Variants in DGKB observed in about 807,000 individuals in gnomAD.
DGKB encodes diacylglycerol kinase beta.
A neutral mutation model predicts 114.3 loss-of-function variants in DGKB; 67 were observed. The observed-to-expected ratio is 0.59, with a 90% CI of 0.48 to 0.72. The LOEUF (loss-of-function observed/expected upper bound fraction) is 0.72, where lower values mean the gene tolerates loss of function less well. Among genes scored for constraint, DGKB ranks in the 30% least tolerant of loss-of-function variants. DGKB has a pLI of 0.00. For synonymous variants in DGKB, 398 were observed against 323.1 expected, an observed-to-expected ratio of 1.23 and a Z score of -2.49; for missense variants, 907 against 975.2, an observed-to-expected ratio of 0.93 and a Z score of 0.93.
chr7:14,825,934 TCTGA>T (rs1845649462), intron 2 of DGKB, among the ~76,000 whole-genome samples: 1 of 152,204 alleles, frequency 6.6e-6, no homozygotes, highest in South Asian at 2.1e-4. Flanking sequence ...CCTTGGGCTT[TCTGA>T]CTAATTCTTG....
At chr7:14,952,536 T>C (rs1786261723) in intron 1 of DGKB, among the ~76,000 whole-genome samples, 1 of 146,074 alleles carries the variant, frequency 6.8e-6, no homozygotes, top group African/African-American at 2.6e-5. Context: ...GTTGAAATAA[T>C]CCTCAAAATT....
At chr7:14,973,453 A>T (rs1787598136) in intron 1 of DGKB, among the ~76,000 whole-genome samples, 3 of 151,604 alleles carry the variant, frequency 2.0e-5, no homozygotes. Flanking sequence ...TTGAAAATTA[A>T]GTTAATCATA....
chr7:14,881,274 GTC>G (rs1415591330), intron 1 of DGKB, among the ~76,000 whole-genome samples: 2 of 152,134 alleles, frequency 1.3e-5, no homozygotes, highest in Non-Finnish European at 2.9e-5. Context: ...GGCCATTAGA[GTC>G]ACCTCTATAA....
chr7:14,390,294 C>T (rs1821118906), intron 21 of DGKB, among the ~76,000 whole-genome samples: 1 of 152,148 alleles, frequency 6.6e-6, no homozygotes, highest in South Asian at 2.1e-4. Flanking sequence ...TTCCACCTCT[C>T]CTTGTCAGCA....
intron 23 of DGKB, among the ~76,000 whole-genome samples, chr7:14,334,672 C>T (rs1359546223): frequency 6.6e-6 from 1 of 151,870 alleles, no homozygotes; most frequent in Non-Finnish European, 1.5e-5. Context: ...AACATTTTAG[C>T]TGAAGGTCTT....
intron 2 of DGKB, among the ~76,000 whole-genome samples, chr7:14,766,535 A>G (rs1836487140): frequency 2.0e-5 from 3 of 151,988 alleles, no homozygotes; most frequent in South Asian, 2.1e-4. Flanking sequence ...GGAGTCTTCA[A>G]TTTTAGTTTT....
intron 23 of DGKB, among the ~76,000 whole-genome samples, chr7:14,315,996 A>T (rs1011461051): frequency 7.3e-5 from 11 of 151,580 alleles, no homozygotes; most frequent in Non-Finnish European, 1.3e-4. Context: ...AAACCGCTCA[A>T]CTACATGGAA....
chr7:14,861,327 A>G (rs193072178), intron 1 of DGKB, among the ~76,000 whole-genome samples: 1 of 151,968 alleles, frequency 6.6e-6, no homozygotes, highest in Admixed American at 6.6e-5. Context: ...GTATTAAAAT[A>G]TGACTTTCAA....
At chr7:14,657,470 T>C (rs560257202) in intron 13 of DGKB, among the ~76,000 whole-genome samples, 1 of 152,036 alleles carries the variant, frequency 6.6e-6, no homozygotes, top group South Asian at 2.1e-4. Context: ...AAACATTTAT[T>C]GAGAGCTGAC....
chr7:14,157,594 G>T (rs10261702), intron 25 of DGKB, among the ~76,000 whole-genome samples: 2 of 152,110 alleles, frequency 1.3e-5, no homozygotes, highest in Non-Finnish European at 2.9e-5. Flanking sequence ...GAAAGTGATG[G>T]ACTATTTGGC....
chr7:14,849,938 G>A (rs1372498389), intron 1 of DGKB, among the ~76,000 whole-genome samples: 1 of 152,116 alleles, frequency 6.6e-6, no homozygotes, highest in Non-Finnish European at 1.5e-5. Flanking sequence ...ACAGAACAAA[G>A]CTCTGAGGAG....
chr7:14,309,107 T>C (rs1804949272), intron 23 of DGKB, among the ~76,000 whole-genome samples: 1 of 152,094 alleles, frequency 6.6e-6, no homozygotes, highest in African/African-American at 2.4e-5. Flanking sequence ...TCCCAGCTAC[T>C]TGAGAGGCTG....
At chr7:14,575,615 A>G (rs879266990) in intron 19 of DGKB, among the ~76,000 whole-genome samples, 1 of 152,204 alleles carries the variant, frequency 6.6e-6, no homozygotes, top group Non-Finnish European at 1.5e-5. Context: ...CAGAGAATAA[A>G]AAGTTCTCAG....
intron 23 of DGKB, among the ~76,000 whole-genome samples, chr7:14,314,648 AC>A (rs1346999099): frequency 2.0e-5 from 3 of 152,264 alleles, no homozygotes; most frequent in African/African-American, 7.2e-5. Flanking sequence ...GACCAAATCT[AC>A]GTCTGACTGG....
At chr7:14,536,126 T>C (rs1054017181) in intron 20 of DGKB, among the ~76,000 whole-genome samples, 1 of 151,916 alleles carries the variant, frequency 6.6e-6, no homozygotes, top group Non-Finnish European at 1.5e-5. Flanking sequence ...ACTTTAAAGA[T>C]CGGTAATGAA....
At chr7:14,383,880 A>C (rs1245103774) in intron 21 of DGKB, among the ~76,000 whole-genome samples, 1 of 152,178 alleles carries the variant, frequency 6.6e-6, no homozygotes, top group African/African-American at 2.4e-5. Flanking sequence ...GTGGTTATTA[A>C]GTGGTGTCAT....
chr7:14,475,841 A>T (rs1332517376), intron 21 of DGKB, among the ~76,000 whole-genome samples: 1 of 152,126 alleles, frequency 6.6e-6, no homozygotes, highest in Admixed American at 6.6e-5. Context: ...GTAATAAAAG[A>T]TTAAATAGAT....
intron 17 of DGKB, among the ~76,000 whole-genome samples, chr7:14,607,164 G>GTGTGTGTGTT (rs1804670017): frequency 6.6e-6 from 1 of 151,510 alleles, no homozygotes; most frequent in Non-Finnish European, 1.5e-5. Flanking sequence ...TGTCGTGTGT[G>GTGTGTGTGTT]TGTGTGTGTG....
chr7:14,359,483 AAG>A (rs758771188), intron 21 of DGKB, among the ~76,000 whole-genome samples: 1 of 152,222 alleles, frequency 6.6e-6, no homozygotes, highest in Non-Finnish European at 1.5e-5. Context: ...AATTAAACTA[AAG>A]AGCTTCTGCA....
Sources: gnomAD v4.1 joint callset for allele counts (sites outside exome capture counted in the v4.1 genomes callset) on GRCh38, gnomAD v4.1.1 for gene constraint, MANE v1.5 for transcripts, NCBI Gene and HGNC (gene_info 2026-07-23, HGNC 2026-07-21) for gene names.